Variants in BLZF1 observed in about 807,000 individuals in gnomAD.
BLZF1 encodes golgin-45.
In BLZF1, 39 loss-of-function variants were observed where a neutral mutation model predicts 43.8. That is an observed-to-expected ratio of 0.89 (90% CI 0.69 to 1.16). The LOEUF (loss-of-function observed/expected upper bound fraction) is 1.16. Among genes scored for constraint, BLZF1 ranks in the 50% most tolerant of loss-of-function variants. The pLI, the probability that BLZF1 is intolerant of heterozygous loss-of-function variation, is 0.00. For missense variants in BLZF1, 449 were observed against 469.8 expected (o/e 0.96, Z 0.41); for synonymous variants, 136 against 159.4 (o/e 0.85, Z 1.11).
At chr1:169,383,027 A>C (rs1338672019) in intron 6 of BLZF1, among the ~76,000 whole-genome samples, 1 of 152,002 alleles carries the variant, frequency 6.6e-6, no homozygotes, top group Admixed American at 6.6e-5. Flanking sequence ...TTCTCTTCCC[A>C]CATAGCTTTC....
chr1:169,379,244 A>T (rs371263180), intron 4 of BLZF1, among the ~76,000 whole-genome samples: 4 of 152,086 alleles, frequency 2.6e-5, no homozygotes, highest in African/African-American at 9.6e-5. Context: ...GAGATTTCTC[A>T]TAAAACAACC....
chr1:169,389,093 G>A (rs1205529825), downstream of BLZF1, among the ~76,000 whole-genome samples: 4 of 151,910 alleles, frequency 2.6e-5, no homozygotes, highest in African/African-American at 9.7e-5. Flanking sequence ...CTGCACTCCA[G>A]CCTGGGTGAC....
At chr1:169,395,075 G>T in intron 7 of BLZF1, 1 of 1,606,532 alleles carries the variant, frequency 6.2e-7, no homozygotes, top group Non-Finnish European at 8.5e-7. Context: ...AAAACGAAAA[G>T]GTTTGGCTTC....
At chr1:169,396,082 A>C (rs1351850646) in exon 8 of BLZF1, 1 of 152,210 alleles carries the variant, frequency 6.6e-6, no homozygotes, top group Non-Finnish European at 1.5e-5. Flanking sequence ...AGATTGCAGA[A>C]ATACAGTATG....
At chr1:169,375,547 C>A (rs1178660081) in intron 2 of BLZF1, among the ~76,000 whole-genome samples, 1 of 149,702 alleles carries the variant, frequency 6.7e-6, no homozygotes, top group African/African-American at 2.5e-5. Flanking sequence ...CTTACCTGCA[C>A]ACTTATTATA....
At chr1:169,383,027 A>G (rs1338672019) in intron 6 of BLZF1, among the ~76,000 whole-genome samples, 1 of 152,002 alleles carries the variant, frequency 6.6e-6, no homozygotes, top group Non-Finnish European at 1.5e-5. Flanking sequence ...TTCTCTTCCC[A>G]CATAGCTTTC....
At chr1:169,381,998 A>T in intron 5 of BLZF1, 64 bp from the exon 6 acceptor site, 2 of 1,154,900 alleles carry the variant, frequency 1.7e-6, no homozygotes, top group Non-Finnish European at 2.5e-6. Flanking sequence ...TTACCTATTT[A>T]CTATTATTAA....
exon 8 of BLZF1, chr1:169,396,170 A>G (rs1457474874): frequency 6.6e-6 from 1 of 152,170 alleles, no homozygotes; most frequent in Non-Finnish European, 1.5e-5. Context: ...AACAGTCACA[A>G]TTTCTGGGTG....
At chr1:169,381,165 GAA>G (rs1654515980) in intron 5 of BLZF1, among the ~76,000 whole-genome samples, 3 of 151,866 alleles carry the variant, frequency 2.0e-5, no homozygotes, top group Admixed American at 2.0e-4. Context: ...GAAAAAAAGA[GAA>G]GATATACATT....
At position 169,376,590 on chromosome 1, in the gene BLZF1, G is replaced by A; in HGVS notation, c.79G>A (p.Glu27Lys). ...AGGAGCAGGAGATGGAATGGAAACTGAGGAACCACCTAAATCTGTTGAAGT... is the reference window on the plus strand; with the variant it reads ...AGGAGCAGGAGATGGAATGGAAACTAAGGAACCACCTAAATCTGTTGAAGT... The part of the protein sequence containing the change: ...IRGAGDGMET[E>K]EPPKSVEVTS... Residue 27 changes from glutamate to lysine, a missense_variant, in exon 3 of 7, where the codon GAG becomes AAG. By Grantham distance (56) the Glu-to-Lys change is moderately conservative. Transcript: ENST00000367808. 2 of 1,611,772 alleles carry A rather than the reference G, an allele frequency of 1.2e-6. No homozygotes were observed. Among genetic ancestry groups the A allele is most frequent in the Non-Finnish European group, 1.7e-6 (2 of 1,179,108 alleles).
intron 5 of BLZF1, among the ~76,000 whole-genome samples, chr1:169,381,529 C>A (rs561413450): frequency 1.8e-4 from 27 of 152,104 alleles, no homozygotes; most frequent in African/African-American, 5.5e-4. Flanking sequence ...AAACAATTTC[C>A]AGCTCATTTC....
intron 6 of BLZF1, among the ~76,000 whole-genome samples, chr1:169,383,872 C>A (rs1006826869): frequency 7.2e-5 from 11 of 152,230 alleles, no homozygotes; most frequent in African/African-American, 2.4e-4. Context: ...GAGGGGCATC[C>A]TCTTCCTGTG....
At chr1:169,370,572 T>C (rs1050544968) in intron 2 of BLZF1, among the ~76,000 whole-genome samples, 8 of 152,202 alleles carry the variant, frequency 5.3e-5, no homozygotes, top group Non-Finnish European at 1.2e-4. Flanking sequence ...TTTTAAAAAT[T>C]AAAAATTCAG....
At chr1:169,394,908 A>G in intron 7 of BLZF1, 2 of 744,718 alleles carry the variant, frequency 2.7e-6, no homozygotes, top group African/African-American at 1.8e-5. Context: ...TTGTTCTAGT[A>G]TTAAAAAAAC....
At chr1:169,394,488 A>G (rs1557854291) in intron 7 of BLZF1, among the ~76,000 whole-genome samples, 1 of 152,084 alleles carries the variant, frequency 6.6e-6, no homozygotes, top group Non-Finnish European at 1.5e-5. Context: ...CCTCACCCCC[A>G]GGAGTCCCCA....
At chr1:169,380,393 G>T (rs978252754) in intron 4 of BLZF1, 88 bp from the exon 5 acceptor site, 1 of 1,246,332 alleles carries the variant, frequency 8.0e-7, no homozygotes, top group Non-Finnish European at 1.1e-6. Context: ...GTTAGCTTCT[G>T]AAAGTGACAG....
In BLZF1 at chr1:169,387,772, G is replaced by A. The variant is rs1428084274; in HGVS notation, c.*590G>A. ...ACAAAAGAGCCTTGCAGAAATGGGT[G>A]AAGGGATTAATCTTTTAAAAATAAA... On this transcript the variant is annotated 3_prime_UTR_variant, in exon 7 of 7. Coordinates refer to ENST00000367808, the MANE Select transcript of BLZF1 (RefSeq NM_001320973.2). The A allele has an allele frequency of 6.6e-6, 1 of 152,284 alleles. No individual in the cohort carries two copies. Among genetic ancestry groups the A allele is most frequent in the African/African-American group, 2.4e-5 (1 of 41,572 alleles). The allele number at this position is 152,284 out of a possible 1,614,324, so 9.4% of individuals were successfully genotyped here. A position where few individuals can be genotyped will look rare whatever the true frequency, so the allele number is the denominator to read the frequency against.
intron 2 of BLZF1, among the ~76,000 whole-genome samples, chr1:169,373,118 A>G (rs867309131): frequency 1.3e-5 from 2 of 152,140 alleles, no homozygotes; most frequent in Non-Finnish European, 2.9e-5. Flanking sequence ...CTTTACAGAA[A>G]AAGTTTGCCA....
At chr1:169,394,910 TA>T (rs1172259104) in intron 7 of BLZF1, 5 of 783,806 alleles carry the variant, frequency 6.4e-6, no homozygotes, top group South Asian at 5.2e-5. Flanking sequence ...GTTCTAGTAT[TA>T]AAAAAACAAA....
Sources: gnomAD v4.1 joint callset for allele counts (sites outside exome capture counted in the v4.1 genomes callset) on GRCh38, gnomAD v4.1.1 for gene constraint, MANE v1.5 for transcripts, NCBI Gene and HGNC (gene_info 2026-07-23, HGNC 2026-07-21) for gene names.